Variants in PDE8B observed in about 807,000 individuals in gnomAD.
The protein encoded by PDE8B is phosphodiesterase 8B.
In PDE8B, 26 loss-of-function variants were observed where a neutral mutation model predicts 101.3. That is an observed-to-expected ratio of 0.26 (90% CI 0.19 to 0.36). The LOEUF (loss-of-function observed/expected upper bound fraction) is 0.36, where lower values mean the gene tolerates loss of function less well. Ranked by LOEUF, PDE8B falls within the 10% of genes least tolerant of loss-of-function variation. The pLI, the probability that PDE8B is intolerant of heterozygous loss-of-function variation, is 1.00. For synonymous variants in PDE8B, 424 were observed against 429.3 expected (o/e 0.99, Z 0.15); for missense variants, 810 against 1,163.1 (o/e 0.70, Z 4.42).
intron 1 of PDE8B, among the ~76,000 whole-genome samples, chr5:77,266,302 A>G (rs878863219): frequency 2.0e-4 from 30 of 152,152 alleles, no homozygotes; most frequent in African/African-American, 6.3e-4. Context: ...CTGCCTTCCT[A>G]TTTTAGCTCT....
chr5:77,278,379 C>G (rs906243753), intron 1 of PDE8B, among the ~76,000 whole-genome samples: 35 of 152,340 alleles, frequency 2.3e-4, no homozygotes, highest in African/African-American at 8.2e-4. Flanking sequence ...CTACTGTGTT[C>G]TCATGAGATG....
chr5:77,261,235 C>T (rs944425494), intron 1 of PDE8B, among the ~76,000 whole-genome samples: 4 of 152,150 alleles, frequency 2.6e-5, no homozygotes, highest in African/African-American at 9.7e-5. Flanking sequence ...TAAAGGAACT[C>T]ACCATATGAT....
the PDE8B span, among the ~76,000 whole-genome samples, chr5:77,177,483 T>C: frequency 2.6e-5 from 4 of 152,370 alleles, no homozygotes; most frequent in Non-Finnish European, 4.4e-5. Context: ...ATGTGGTCTC[T>C]AGCTCTCAAA....
intron 1 of PDE8B, among the ~76,000 whole-genome samples, chr5:77,301,599 C>T (rs888379660): frequency 2.6e-5 from 4 of 152,208 alleles, no homozygotes; most frequent in African/African-American, 9.6e-5. Flanking sequence ...TGTAATTTTA[C>T]ATGCTTGAAG....
intron 20 of PDE8B, among the ~76,000 whole-genome samples, chr5:77,422,855 G>T (rs1796966677): frequency 6.6e-6 from 1 of 152,196 alleles, no homozygotes; most frequent in African/African-American, 2.4e-5. Context: ...CTGGGAAGGG[G>T]AGTGACCAGC....
At chr5:77,316,486 C>T (rs1012490403) in intron 2 of PDE8B, among the ~76,000 whole-genome samples, 2 of 152,130 alleles carry the variant, frequency 1.3e-5, no homozygotes, top group Non-Finnish European at 2.9e-5. Context: ...CCTACCTTGG[C>T]CTCCCAAAGT....
chr5:77,328,297 C>T (rs1776443941), intron 3 of PDE8B, among the ~76,000 whole-genome samples: 1 of 151,278 alleles, frequency 6.6e-6, no homozygotes, highest in Non-Finnish European at 1.5e-5. Flanking sequence ...TTTCATGGAC[C>T]TCAAAATTCT....
intron 2 of PDE8B, among the ~76,000 whole-genome samples, chr5:77,321,973 A>T (rs1405502327): frequency 6.6e-6 from 1 of 152,180 alleles, no homozygotes; most frequent in Non-Finnish European, 1.5e-5. Context: ...CCACACTGGG[A>T]AGCACCGCAG....
rs766183791 is a variant in PDE8B, at chr5:77,353,333, T to C, written c.1107-13T>C. 1 of 1,433,646 alleles carries C rather than the reference T, an allele frequency of 7.0e-7. No homozygotes were observed. The highest frequency in any genetic ancestry group is 9.8e-7 in the Non-Finnish European group (1 of 1,015,256). The allele number at this position is 1,433,646 out of a possible 1,614,324, so 88.8% of individuals were successfully genotyped here. On this transcript the variant is annotated splice_polypyrimidine_tract_variant and intron_variant, in intron 9 of 21. Transcript: ENST00000264917. ...CATATCTGACTCACTAATAACTGAT[T>C]ATTTGTTATTAGGAAAATTAGGCAT... is the stretch of plus-strand genomic sequence containing the variant.
rs1780989414 is a variant in PDE8B, at chr5:77,350,934, A to G, written c.1018-131A>G. ...CCACATCAGCATTGCACTGGGTACA[A>G]CAATACAGCAGGCATTGGGAAATGT... is the stretch of plus-strand genomic sequence containing the variant. On this transcript the variant is annotated intron_variant, in intron 8 of 21. Transcript: ENST00000264917. 5.4e-6 allele frequency: 4 copies of G among 744,814 alleles called. No individual in the cohort carries two copies. The South Asian group carries it at 5.9e-5, about 11-fold the overall frequency. 46.1% of individuals were successfully genotyped at this position (744,814 alleles called of 1,614,324 possible).
At chr5:77,380,151 A>G (rs377093617) in intron 10 of PDE8B, among the ~76,000 whole-genome samples, 1 of 152,244 alleles carries the variant, frequency 6.6e-6, no homozygotes, top group Non-Finnish European at 1.5e-5. Flanking sequence ...AAAACAAAAC[A>G]ATATAATTCT....
chr5:77,210,507 C>G, upstream of PDE8B: 1 of 447,842 alleles, frequency 2.2e-6, no homozygotes, highest in Non-Finnish European at 2.9e-6. This position sits in a 1 kb window ranked among gnomAD's most constrained non-coding sequence, Gnocchi z 4.9. Context: ...TGCAGGCAGG[C>G]GGGCAGGCGG....
At chr5:77,416,601 T>C (rs1000181793) in intron 17 of PDE8B, among the ~76,000 whole-genome samples, 3 of 152,196 alleles carry the variant, frequency 2.0e-5, no homozygotes, top group Non-Finnish European at 1.5e-5. Flanking sequence ...CCTAGTTGTG[T>C]TGATTGGGGT....
At chr5:77,260,172 A>G (rs866673044) in intron 1 of PDE8B, among the ~76,000 whole-genome samples, 2 of 139,504 alleles carry the variant, frequency 1.4e-5, no homozygotes, top group African/African-American at 2.7e-5. Flanking sequence ...AAAAAAAAAA[A>G]AGAAAAAAAA....
the PDE8B span, among the ~76,000 whole-genome samples, chr5:77,191,344 C>T: frequency 6.6e-6 from 1 of 151,682 alleles, no homozygotes; most frequent in Admixed American, 6.6e-5. Context: ...TATTTATGTA[C>T]AATAAAACAT....
In PDE8B at chr5:77,395,931, CAG is replaced by C. The variant is rs199704212; in HGVS notation, c.1168-4314_1168-4313del. Among the ~76,000 whole-genome samples the C allele has an allele frequency of 8.4e-3, 1,287 of 152,330 alleles. 24 individuals carry two copies. The highest frequency in any genetic ancestry group is 0.029 in the African/African-American group (1,217 of 41,572). ...CCATTCTCAGGGTAAACAGATCTGA[CAG>C]AGGCTTTTATCCAGTCCACCAGGCT... On this transcript the variant is annotated intron_variant, in intron 10 of 21. Transcript: ENST00000264917.
chr5:77,362,977 G>T (rs1018614607), intron 10 of PDE8B, among the ~76,000 whole-genome samples: 1 of 152,210 alleles, frequency 6.6e-6, no homozygotes. Context: ...TGTCTTGGTC[G>T]CTGTGTCCCC....
rs59969543 is a variant in PDE8B at position 77,233,986 on chromosome 5, C to T, written c.339+22722C>T. 4.7e-3 allele frequency among the ~76,000 whole-genome samples: 711 copies of T among 152,006 alleles called. 3 individuals are homozygous for T. The highest frequency in any genetic ancestry group is 0.016 in the African/African-American group (666 of 41,400). On this transcript the variant is annotated intron_variant, in intron 1 of 21. Coordinates refer to ENST00000264917, the MANE Select transcript of PDE8B (RefSeq NM_003719.5). ...CTTTGTGCTGGGTACTTCTGATGCACCTATTATGGATAAAAGAAGGCGCCT... is the reference window on the plus strand; with the variant it reads ...CTTTGTGCTGGGTACTTCTGATGCATCTATTATGGATAAAAGAAGGCGCCT...
At chr5:77,143,248 A>G in the PDE8B span, among the ~76,000 whole-genome samples, 1 of 152,156 alleles carries the variant, frequency 6.6e-6, no homozygotes, top group Admixed American at 6.5e-5. Context: ...TTGAAATTCA[A>G]CCTGATATCA....
Sources: allele counts gnomAD v4.1 joint callset (sites outside exome capture counted in the v4.1 genomes callset), GRCh38; gene constraint gnomAD v4.1.1; non-coding constraint Gnocchi (gnomAD v3.1); transcripts MANE v1.5; gene names NCBI Gene and HGNC (gene_info 2026-07-23, HGNC 2026-07-21).